The following AKAP9 variants were observed in gnomAD, a reference collection of about 807,000 sequenced individuals.
AKAP9 encodes the protein A-kinase anchor protein 9.
Under a neutral mutation model 488.5 loss-of-function variants are expected in AKAP9, and 311 were observed. That is an observed-to-expected ratio of 0.64 (90% CI 0.58 to 0.70). The LOEUF is 0.70. AKAP9 is among the 30% of genes least tolerant of loss of function. AKAP9 has a pLI of 0.00. For synonymous variants in AKAP9, 1,462 were observed against 1,483.5 expected (o/e 0.99, Z 0.33); for missense variants, 4,215 against 4,374.5 (o/e 0.96, Z 1.03).
chr7:92,070,853 A>G, intron 27 of AKAP9, 52 bp from the exon 28 acceptor site: 2 of 1,234,252 alleles, frequency 1.6e-6, no homozygotes, highest in Admixed American at 4.3e-5. Context: ...AAAAAACTGG[A>G]TAATCAGGAT....
chr7:92,063,666 A>G (rs1003534436), intron 24 of AKAP9, among the ~76,000 whole-genome samples: 2 of 152,144 alleles, frequency 1.3e-5, no homozygotes, highest in Non-Finnish European at 2.9e-5. Flanking sequence ...CTTTTCTTAC[A>G]ATAAAAGTAC....
At chr7:92,098,926 G>A (rs987050223) in intron 43 of AKAP9, among the ~76,000 whole-genome samples, 12 of 152,162 alleles carry the variant, frequency 7.9e-5, no homozygotes, top group African/African-American at 2.9e-4. Context: ...TCTGTCCTGT[G>A]TTCCAGGTTT....
intron 37 of AKAP9, among the ~76,000 whole-genome samples, chr7:92,086,871 C>T (rs1814656733): frequency 6.6e-6 from 1 of 152,122 alleles, no homozygotes; most frequent in Non-Finnish European, 1.5e-5. Flanking sequence ...TAACCTTGAA[C>T]ACCACCAACA....
chr7:91,975,331 T>A (rs182017870), intron 2 of AKAP9, among the ~76,000 whole-genome samples: 1 of 152,294 alleles, frequency 6.6e-6, no homozygotes, highest in East Asian at 1.9e-4. Flanking sequence ...AAGCATTTTA[T>A]TGCTATTTTA....
chr7:92,040,964 G>T, intron 18 of AKAP9, 66 bp downstream of exon 18: 1 of 1,312,210 alleles, frequency 7.6e-7, no homozygotes, highest in Non-Finnish European at 1.1e-6. Flanking sequence ...ACTTGAACCA[G>T]ATCCCCAATT....
intron 16 of AKAP9, among the ~76,000 whole-genome samples, chr7:92,038,091 A>C (rs1456200860): frequency 6.6e-6 from 1 of 152,226 alleles, no homozygotes; most frequent in Non-Finnish European, 1.5e-5. Flanking sequence ...GAAAGTATTC[A>C]CTAAAATGTT....
intron 8 of AKAP9, among the ~76,000 whole-genome samples, chr7:92,007,109 T>C (rs1291111826): frequency 2.0e-5 from 3 of 152,124 alleles, no homozygotes; most frequent in Non-Finnish European, 2.9e-5. Flanking sequence ...CAGGCCTTCA[T>C]GTTAGAGTCA....
At chr7:91,951,655 A>G (rs1427701855) in intron 1 of AKAP9, among the ~76,000 whole-genome samples, 2 of 152,202 alleles carry the variant, frequency 1.3e-5, no homozygotes, top group East Asian at 1.9e-4. Context: ...ATGTATCATC[A>G]TATTTTCTAG....
chr7:91,993,887 A>G (rs192374110), intron 5 of AKAP9, among the ~76,000 whole-genome samples: 1 of 152,338 alleles, frequency 6.6e-6, no homozygotes, highest in Non-Finnish European at 1.5e-5. Context: ...CCAGCACTTC[A>G]AGAGGCTGAG....
intron 25 of AKAP9, 41 bp from the exon 26 acceptor site, chr7:92,066,386 C>T (rs200279737): frequency 2.7e-5 from 44 of 1,608,122 alleles, no homozygotes; most frequent in Non-Finnish European, 3.6e-5. Context: ...TCTCTAAATA[C>T]TGTTTCTTCA....
At chr7:91,968,565 G>A (rs915566948) in intron 1 of AKAP9, among the ~76,000 whole-genome samples, 1 of 151,982 alleles carries the variant, frequency 6.6e-6, no homozygotes, top group African/African-American at 2.4e-5. Context: ...ATTGACTTCT[G>A]TATTGACTGT....
At chr7:92,059,333 T>G (rs1164054636) in intron 22 of AKAP9, among the ~76,000 whole-genome samples, 1 of 151,944 alleles carries the variant, frequency 6.6e-6, no homozygotes, top group Non-Finnish European at 1.5e-5. Context: ...AAGTATTTAA[T>G]GAACATTTAT....
rs187899315 is a variant in AKAP9, at chr7:91,955,572, T to G, written c.48+14425T>G. Reference sequence around the variant, plus strand: ...GATTTGCCTTTTGTTCAGTATCATGTAGAGCATGTTCACGTCTGCATAGTA... The same window carrying G: ...GATTTGCCTTTTGTTCAGTATCATGGAGAGCATGTTCACGTCTGCATAGTA... On this transcript the variant is annotated intron_variant, in intron 1 of 49. Transcript: ENST00000356239. Among the ~76,000 whole-genome samples the G allele has an allele frequency of 1.7e-3, 253 of 152,356 alleles. 1 individual carries two copies. The highest frequency in any genetic ancestry group is 9.3e-3 in the Admixed American group (143 of 15,306).
intron 33 of AKAP9, among the ~76,000 whole-genome samples, chr7:92,083,934 C>T (rs1814059375): frequency 6.6e-6 from 1 of 152,160 alleles, no homozygotes; most frequent in Non-Finnish European, 1.5e-5. Context: ...CCCATCAACC[C>T]GTCATCTACA....
At chr7:91,989,253 C>A (rs948384732) in intron 3 of AKAP9, among the ~76,000 whole-genome samples, 1 of 152,052 alleles carries the variant, frequency 6.6e-6, no homozygotes. Flanking sequence ...ACTTCTGTGA[C>A]TAGTACACTC....
intron 16 of AKAP9, among the ~76,000 whole-genome samples, chr7:92,037,830 C>T (rs1805444073): frequency 6.6e-6 from 1 of 152,100 alleles, no homozygotes; most frequent in Non-Finnish European, 1.5e-5. Context: ...TAGTAAAAGA[C>T]TGGAATCACT....
chr7:92,048,485 G>GA (rs936862686), intron 21 of AKAP9, among the ~76,000 whole-genome samples: 13 of 151,774 alleles, frequency 8.6e-5, no homozygotes, highest in South Asian at 8.3e-4. Flanking sequence ...AGGTTGTGTT[G>GA]AAAAAAAAAT....
chr7:92,039,387 A>G, intron 17 of AKAP9, among the ~76,000 whole-genome samples: 1 of 152,240 alleles, frequency 6.6e-6, no homozygotes, highest in East Asian at 1.9e-4. Flanking sequence ...AAGATTAATT[A>G]TACTACAATT....
Position 92,080,115 on chromosome 7 carries a change from A to G in AKAP9, c.7982A>G (p.Glu2661Gly), listed in dbSNP as rs753633654. Residue 2661 changes from glutamate to glycine, a missense_variant, in exon 31 of 50, where the codon GAA becomes GGA. By Grantham distance (98) the Glu-to-Gly change is moderately conservative. This residue lies in a region of AKAP9 where 1,476 missense variants were observed against 1,477.4 expected (regional missense o/e 1.00). Coordinates refer to ENST00000356239, the MANE Select transcript of AKAP9 (RefSeq NM_005751.5). ...AATGAGAAAAAACAGAGAGAGAAAGAAAAGAAAAGAAGCCCTCAAGATGTT... is the reference window on the plus strand; with the variant it reads ...AATGAGAAAAAACAGAGAGAGAAAGGAAAGAAAAGAAGCCCTCAAGATGTT... ...EGNEKKQREK[E>G]KKRSPQDVEV... 33 of 1,591,926 alleles carry G rather than the reference A, an allele frequency of 2.1e-5. No individual in the cohort carries two copies. The highest frequency in any genetic ancestry group is 2.8e-5 in the Non-Finnish European group (33 of 1,175,686).
Sources: allele counts gnomAD v4.1 joint callset (sites outside exome capture counted in the v4.1 genomes callset), GRCh38; gene constraint gnomAD v4.1.1; regional missense constraint gnomAD v4.1.1; transcripts MANE v1.5; gene names NCBI Gene and HGNC (gene_info 2026-07-23, HGNC 2026-07-21).